DEFB1: variants seen among roughly 807,000 people sequenced by gnomAD.
DEFB1 encodes the protein defensin beta 1.
DEFB1 carries 4 observed loss-of-function variants against 2.6 expected under a neutral mutation model. The ratio of observed to expected loss-of-function variants is 1.53; its 90% CI spans 0.76 to 3.51. The LOEUF (loss-of-function observed/expected upper bound fraction) is 3.51, where lower values mean the gene tolerates loss of function less well. DEFB1 is among the 30% of genes most tolerant of loss of function. The pLI, the probability that DEFB1 is intolerant of heterozygous loss-of-function variation, is 0.01. For synonymous variants in DEFB1, 56 were observed against 28.5 expected, an observed-to-expected ratio of 1.96 and a Z score of -3.07; for missense variants, 162 against 76.9, an observed-to-expected ratio of 2.11 and a Z score of -4.14.
At chr8:6,875,491 G>T (rs992733283) in intron 1 of DEFB1, among the ~76,000 whole-genome samples, 1 of 152,196 alleles carries the variant, frequency 6.6e-6, no homozygotes, top group Non-Finnish European at 1.5e-5. Context: ...AAATAACCCA[G>T]TTGCCTGTAA....
chr8:6,877,327 G>A (rs1270112778), intron 1 of DEFB1, among the ~76,000 whole-genome samples: 1 of 152,218 alleles, frequency 6.6e-6, no homozygotes, highest in African/African-American at 2.4e-5. Flanking sequence ...GCCTGCACAG[G>A]AGGTGAGTCC....
chr8:6,874,156 C>T (rs991915919), intron 1 of DEFB1, among the ~76,000 whole-genome samples: 55 of 148,816 alleles, frequency 3.7e-4, no homozygotes, highest in African/African-American at 1.2e-3. Context: ...CGCACACACA[C>T]GCACATGTGC....
intron 1 of DEFB1, among the ~76,000 whole-genome samples, chr8:6,876,948 G>C (rs1292753273): frequency 6.6e-6 from 1 of 151,960 alleles, no homozygotes; most frequent in Non-Finnish European, 1.5e-5. Flanking sequence ...GAAAAACTGA[G>C]GCATAATTGG....
chr8:6,871,363 GT>G (rs924152062), intron 1 of DEFB1, among the ~76,000 whole-genome samples: 2 of 151,574 alleles, frequency 1.3e-5, no homozygotes, highest in African/African-American at 4.9e-5. Flanking sequence ...AACTTTCATA[GT>G]TTTTTTTTCT....
chr8:6,876,845 C>CAAAAAA (rs34563802), intron 1 of DEFB1, among the ~76,000 whole-genome samples: 79 of 57,764 alleles, frequency 1.4e-3, no homozygotes, highest in East Asian at 3.0e-3. Flanking sequence ...AACCAAAAAC[C>CAAAAAA]AAAAAAAAAA....
At chr8:6,877,746 C>T (rs1563399622) in intron 1 of DEFB1, 51 bp downstream of exon 1, 1 of 1,516,028 alleles carries the variant, frequency 6.6e-7, no homozygotes, top group South Asian at 1.1e-5. Flanking sequence ...ACATCAGCCC[C>T]ATTGTCCCCA....
Position 6,872,923 on chromosome 8 carries a change from C to G in DEFB1, c.62-2097G>C, listed in dbSNP as rs149940132. Among the ~76,000 whole-genome samples the G allele has an allele frequency of 7.1e-3, 1,080 of 152,236 alleles. 8 individuals are homozygous for G. Among genetic ancestry groups the G allele is most frequent in the African/African-American group, 0.02 (846 of 41,536 alleles). ...CTTAGAGGATGCCTACTCCAACCCA[C>G]ACTGCGAAAGATGGAACCTCTCCAA... On this transcript the variant is annotated intron_variant, in intron 1 of 1. Transcript: ENST00000297439.
At chr8:6,876,152 A>G (rs1336305389) in intron 1 of DEFB1, among the ~76,000 whole-genome samples, 6 of 152,230 alleles carry the variant, frequency 3.9e-5, no homozygotes. Flanking sequence ...TACTTTTACT[A>G]CATGGCATGA....
intron 1 of DEFB1, among the ~76,000 whole-genome samples, chr8:6,876,139 A>T (rs925095376): frequency 8.5e-5 from 13 of 152,198 alleles, no homozygotes; most frequent in African/African-American, 3.1e-4. Context: ...ATTAAATAGC[A>T]TCTACTTTTA....
chr8:6,872,091 A>T (rs1373877957), intron 1 of DEFB1, among the ~76,000 whole-genome samples: 9 of 151,870 alleles, frequency 5.9e-5, no homozygotes, highest in Non-Finnish European at 1.2e-4. Context: ...AACTCTTCTC[A>T]TTGTCCTCAA....
At chr8:6,870,894 C>G (rs951091730) in intron 1 of DEFB1, 68 bp from the exon 2 acceptor site, 2 of 1,517,566 alleles carry the variant, frequency 1.3e-6, no homozygotes, top group Admixed American at 2.1e-5. Context: ...GAACATCTCG[C>G]GAAAGCAGAA....
chr8:6,877,756 A>G, intron 1 of DEFB1, 41 bp downstream of exon 1: 1 of 1,571,198 alleles, frequency 6.4e-7, no homozygotes. Context: ...CATTGTCCCC[A>G]GCCCTGGGGA....
At chr8:6,871,268 C>T (rs773799865) in intron 1 of DEFB1, among the ~76,000 whole-genome samples, 12 of 152,220 alleles carry the variant, frequency 7.9e-5, no homozygotes, top group Non-Finnish European at 1.5e-4. Flanking sequence ...TGCCTTGAAT[C>T]CCGGCCCCCT....
rs56270143 is a variant in DEFB1, at chr8:6,870,704, C to A, written c.184G>T (p.Gly62Trp). The A allele has an allele frequency of 5.4e-5, 87 of 1,614,198 alleles. 3 individuals are homozygous for A. The South Asian group carries it at 9.3e-4, about 17-fold the overall frequency. ...FTKIQGTCYR[G>W]KAKCCK ...GCTCACTTGCAGCACTTGGCCTTCC[C>A]TCTGTAACAGGTGCCTTGAATTTTG... The change falls in exon 2 of 2, where the codon GGG (glycine) becomes TGG (tryptophan). Residue 62 changes from glycine to tryptophan, a missense_variant. Physicochemically the swap from Gly to Trp is radical, Grantham distance 184 (BLOSUM62 -2). Transcript: ENST00000297439.
intron 1 of DEFB1, among the ~76,000 whole-genome samples, chr8:6,871,382 C>G (rs1360654402): frequency 1.3e-5 from 2 of 151,976 alleles, no homozygotes; most frequent in Non-Finnish European, 2.9e-5. Flanking sequence ...TCTACTTGGA[C>G]TTTATTTTGC....
intron 1 of DEFB1, among the ~76,000 whole-genome samples, chr8:6,875,133 T>C (rs1018107126): frequency 5.3e-5 from 8 of 150,532 alleles, no homozygotes; most frequent in African/African-American, 2.0e-4. Context: ...GGATTGTAAG[T>C]CTAAATGTAA....
At position 6,873,901 on chromosome 8, in the gene DEFB1, T is replaced by G. The variant is rs1003232538; in HGVS notation, c.62-3075A>C. On this transcript the variant is annotated intron_variant, in intron 1 of 1. Transcript: ENST00000297439. The stretch of plus-strand genomic sequence containing the variant: ...TTGAGGTTCCTTCCTGTTGGAGCAG[T>G]CTATGCTGCTTTCAGTCTAGGGGCC... 1.0e-3 allele frequency among the ~76,000 whole-genome samples: 158 copies of G among 152,202 alleles called. 1 individual carries two copies. Among genetic ancestry groups the G allele is most frequent in the African/African-American group, 3.6e-3 (151 of 41,444 alleles).
At position 6,877,850 on chromosome 8, in the gene DEFB1, G is replaced by A. The variant is rs757605918; in HGVS notation, c.8C>T (p.Thr3Ile). 5.0e-6 allele frequency: 8 copies of A among 1,614,022 alleles called. No individual in the cohort carries two copies. Among genetic ancestry groups the A allele is most frequent in the Non-Finnish European group, 6.8e-6 (8 of 1,179,912 alleles). Residue 3 changes from threonine (T) to isoleucine (I), a missense_variant, in exon 1 of 2, where the codon ACT becomes ATT. Transcript: ENST00000297439. ...GAGAGTAAACAGCAGAAGGTAGGAA[G>A]TTCTCATGGCGACTGGCAGGCAACA... The part of the protein sequence containing the change: MR[T>I]SYLLLFTLCL...
chr8:6,877,476 T>C (rs1371463869), intron 1 of DEFB1, among the ~76,000 whole-genome samples: 1 of 152,196 alleles, frequency 6.6e-6, no homozygotes, highest in Admixed American at 6.5e-5. Flanking sequence ...GGCCTCTCAG[T>C]GTGAGGAGTC....
Sources: allele counts gnomAD v4.1 joint callset (sites outside exome capture counted in the v4.1 genomes callset), GRCh38; gene constraint gnomAD v4.1.1; transcripts MANE v1.5; gene names NCBI Gene and HGNC (gene_info 2026-07-23, HGNC 2026-07-21).